Variants in RRH observed in about 807,000 individuals in gnomAD.
RRH encodes visual pigment-like receptor peropsin.
Under a neutral mutation model 33.1 loss-of-function variants are expected in RRH, and 36 were observed. The ratio of observed to expected loss-of-function variants is 1.09; its 90% CI spans 0.83 to 1.44. The LOEUF (loss-of-function observed/expected upper bound fraction) is 1.44. Among genes scored for constraint, RRH ranks in the 40% most tolerant of loss-of-function variants. The pLI is 0.00. For synonymous variants in RRH, 124 were observed against 140.2 expected (o/e 0.88, Z 0.82); for missense variants, 393 against 420.2 (o/e 0.94, Z 0.57).
Position 109,833,127 on chromosome 4 carries a change from GT to G in RRH, c.107-11del. ...TAAACAAAATGCATCATATTTTTGT[GT>G]GTGTTCTCAGGTATGATAAGTATTA... On this transcript the variant is annotated splice_polypyrimidine_tract_variant and intron_variant, in intron 1 of 6. Transcript: ENST00000317735. 6.2e-7 allele frequency: 1 copy of G among 1,604,652 alleles called. No homozygotes were observed. The highest frequency in any genetic ancestry group is 8.5e-7 in the Non-Finnish European group (1 of 1,171,470).
intron 2 of RRH, among the ~76,000 whole-genome samples, chr4:109,834,445 T>C (rs1733834934): frequency 6.7e-6 from 1 of 149,620 alleles, no homozygotes; most frequent in Non-Finnish European, 1.5e-5. Context: ...TTCTCCTGCC[T>C]CAGCCTCCCG....
rs757323046 is a variant in RRH at position 109,833,256 on chromosome 4, G to A, written c.224G>A (p.Ser75Asn). ...CTGGCTGTTACTGATATAGGGGTCA[G>A]TAGCATTGGCTATCCCATGTCTGCT... ...INLAVTDIGVSSIGYPMSAAS... is the reference protein window; with the variant it reads ...INLAVTDIGVNSIGYPMSAAS... Residue 75 changes from serine to asparagine, a missense_variant, in exon 2 of 7, where the codon AGT becomes AAT. Physicochemically the swap from Ser to Asn is conservative, Grantham distance 46. Coordinates refer to ENST00000317735, the MANE Select transcript of RRH (RefSeq NM_006583.5). 3.1e-6 allele frequency: 5 copies of A among 1,614,110 alleles called. No individual in the cohort carries two copies. The highest frequency in any genetic ancestry group is 2.2e-5 in the South Asian group (2 of 91,082).
chr4:109,843,951 T>C, intron 6 of RRH, 132 bp from the exon 7 acceptor site: 1 of 676,620 alleles, frequency 1.5e-6, no homozygotes, highest in Non-Finnish European at 2.7e-6. Flanking sequence ...CAACAGGACA[T>C]GTTAAAGTTG....
chr4:109,844,752 G>A lies in RRH; in HGVS notation c.*555G>A, dbSNP rs1734049870. 1 of 152,470 alleles carries A rather than the reference G, an allele frequency of 6.6e-6. No homozygotes were observed. Among genetic ancestry groups the A allele is most frequent in the African/African-American group, 2.4e-5 (1 of 41,414 alleles). 9.4% of individuals were successfully genotyped at this position (152,470 alleles called of 1,614,324 possible). ...TATTATATAGCATTATGACCCCTGT[G>A]CATATTTTGATGTTTTCTGCAATTT... is the stretch of plus-strand genomic sequence containing the variant. On this transcript the variant is annotated 3_prime_UTR_variant, in exon 7 of 7. Transcript: ENST00000317735.
chr4:109,835,894 A>G, intron 3 of RRH, 113 bp from the exon 4 acceptor site: 1 of 1,347,602 alleles, frequency 7.4e-7, no homozygotes, highest in Non-Finnish European at 1.1e-6. Flanking sequence ...TCCTAAGGCC[A>G]ATCAAAGTGC....
intron 1 of RRH, among the ~76,000 whole-genome samples, chr4:109,830,438 C>T (rs1206133971): frequency 1.3e-5 from 2 of 151,806 alleles, no homozygotes; most frequent in Non-Finnish European, 2.9e-5. Flanking sequence ...GCAGTGGGGA[C>T]AGAAAAAAGT....
chr4:109,828,047 G>A lies in RRH; in HGVS notation c.20G>A (p.Gly7Asp), dbSNP rs773529622. ...TCCAAAATGCTAAGAAATAATTTAG[G>A]CAACAGTTCAGACTCTAAAAATGAA... MLRNNL[G>D]NSSDSKNEDG... is the part of the protein sequence containing the mutation. Residue 7 changes from glycine to aspartate, a missense_variant, in exon 1 of 7, where the codon GGC becomes GAC. Transcript: ENST00000317735. 3 of 1,610,616 alleles carry A rather than the reference G, an allele frequency of 1.9e-6. No homozygotes were observed. Among genetic ancestry groups the A allele is most frequent in the Admixed American group, 3.3e-5 (2 of 59,980 alleles).
chr4:109,844,408 T>C lies in RRH; in HGVS notation c.*211T>C. 1 of 461,096 alleles carries C rather than the reference T, an allele frequency of 2.2e-6. No homozygotes were observed. Among genetic ancestry groups the C allele is most frequent in the Non-Finnish European group, 4.0e-6 (1 of 250,198 alleles). 28.6% of individuals were successfully genotyped at this position (461,096 alleles called of 1,614,324 possible). On this transcript the variant is annotated 3_prime_UTR_variant, in exon 7 of 7. Transcript: ENST00000317735. Reference sequence around the variant, plus strand: ...CTGATATATCAACTTATTGCTCATCTCCTTTGATGAATTAGGCATCAGAGG... The same window carrying C: ...CTGATATATCAACTTATTGCTCATCCCCTTTGATGAATTAGGCATCAGAGG...
chr4:109,832,883 G>A (rs766656727), intron 1 of RRH, among the ~76,000 whole-genome samples: 1 of 152,104 alleles, frequency 6.6e-6, no homozygotes, highest in Non-Finnish European at 1.5e-5. Flanking sequence ...ACACTCAATA[G>A]CAATGACATT....
At position 109,842,475 on chromosome 4, in the gene RRH, G is replaced by A. The variant is rs754758965; in HGVS notation, c.727G>A (p.Val243Met). The change falls in exon 6 of 7, where the codon GTG (valine) becomes ATG (methionine). Residue 243 changes from valine to methionine, a missense_variant. Physicochemically the swap from Val to Met is conservative, Grantham distance 21 (BLOSUM62 1). Coordinates refer to ENST00000317735, the MANE Select transcript of RRH (RefSeq NM_006583.5). ...AATATTTATTTCTTTTCAGATGTCT[G>A]TGATCATGATCTGCATGTTTCTGGT... ...SDQIDVTKMS[V>M]IMICMFLVAW... The A allele has an allele frequency of 1.9e-6, 3 of 1,613,836 alleles. No homozygotes were observed.
At chr4:109,841,796 T>A (rs6533468) in intron 5 of RRH, among the ~76,000 whole-genome samples, 1 of 152,052 alleles carries the variant, frequency 6.6e-6, no homozygotes, top group Non-Finnish European at 1.5e-5. Context: ...GTCCTTATGG[T>A]TTTATGTCTT....
Position 109,833,167 on chromosome 4 carries a change from A to G in RRH, c.135A>G (p.Ile45Met). Residue 45 changes from isoleucine to methionine, a missense_variant, in exon 2 of 7, where the codon ATA (isoleucine) becomes ATG (methionine). By Grantham distance (10) the Ile-to-Met change is conservative. Transcript: ENST00000317735. Reference sequence around the variant, plus strand: ...TGATAAGTATTATCAGCAACATAATAGTTCTGGGCATCTTCATTAAGTACA... The same window carrying G: ...TGATAAGTATTATCAGCAACATAATGGTTCTGGGCATCTTCATTAAGTACA... The part of the protein sequence containing the change: ...AGMISIISNI[I>M]VLGIFIKYKE... The G allele has an allele frequency of 6.2e-7, 1 of 1,613,738 alleles. No homozygotes were observed. Among genetic ancestry groups the G allele is most frequent in the Admixed American group, 1.7e-5 (1 of 60,030 alleles).
Position 109,844,432 on chromosome 4 carries a change from G to A in RRH, c.*235G>A. 7.1e-6 allele frequency: 3 copies of A among 420,412 alleles called. No individual in the cohort carries two copies. The highest frequency in any genetic ancestry group is 6.4e-5 in the South Asian group (3 of 46,752). The allele number at this position is 420,412 out of a possible 1,614,324, so 26.0% of individuals were successfully genotyped here. A position where few individuals can be genotyped will look rare whatever the true frequency, so the allele number is the denominator to read the frequency against. ...CTCCTTTGATGAATTAGGCATCAGAGGTTAAGGTCCCCTTTCTTTCTCCCT... is the reference window on the plus strand; with the variant it reads ...CTCCTTTGATGAATTAGGCATCAGAAGTTAAGGTCCCCTTTCTTTCTCCCT... On this transcript the variant is annotated 3_prime_UTR_variant, in exon 7 of 7. Coordinates refer to ENST00000317735, the MANE Select transcript of RRH (RefSeq NM_006583.5).
rs114743850 is a variant in RRH at position 109,844,648 on chromosome 4, T to C, written c.*451T>C. Reference sequence around the variant, plus strand: ...TTCAACATTTTAACATTTAAATCAATTAACTTATGTTATTAAACAAAAATA... The same window carrying C: ...TTCAACATTTTAACATTTAAATCAACTAACTTATGTTATTAAACAAAAATA... On this transcript the variant is annotated 3_prime_UTR_variant, in exon 7 of 7. Coordinates refer to ENST00000317735, the MANE Select transcript of RRH (RefSeq NM_006583.5). 2.4e-3 allele frequency: 381 copies of C among 157,392 alleles called. 3 individuals are homozygous for C. Among genetic ancestry groups the C allele is most frequent in the Non-Finnish European group, 4.2e-3 (301 of 71,050 alleles). 9.7% of individuals were successfully genotyped at this position (157,392 alleles called of 1,614,324 possible).
At position 109,828,114 on chromosome 4, in the gene RRH, AACTT is replaced by A. The variant is rs1365990948; in HGVS notation, c.92_95del (p.Tyr31Ter). ...CACAGACTGAACACAATATTGTTGC[AACTT>A]ACTTGATTATGGCAGGTATGGATAT... On this transcript the variant is annotated frameshift_variant, in exon 1 of 7. Transcript: ENST00000317735. LOFTEE classifies it high-confidence loss of function. The A allele has an allele frequency of 6.8e-6, 11 of 1,610,338 alleles. 1 individual carries two copies. The Admixed American group carries it at 8.3e-5, about 12-fold the overall frequency.
intron 5 of RRH, among the ~76,000 whole-genome samples, chr4:109,840,741 GTT>G (rs78870910): frequency 7.4e-6 from 1 of 134,382 alleles, no homozygotes; most frequent in African/African-American, 2.7e-5. Flanking sequence ...TTCTTGCACT[GTT>G]TTTTTTTTTT....
chr4:109,833,069 T>A, intron 1 of RRH, 70 bp from the exon 2 acceptor site: 1 of 1,273,174 alleles, frequency 7.9e-7, no homozygotes, highest in South Asian at 1.2e-5. Flanking sequence ...GGCTTAAATA[T>A]TTAATTTTGA....
chr4:109,833,905 A>C (rs1023881841), intron 2 of RRH, among the ~76,000 whole-genome samples: 5 of 152,238 alleles, frequency 3.3e-5, no homozygotes, highest in Non-Finnish European at 5.9e-5. Context: ...GTAGTAGTGA[A>C]TACTGAATAA....
At chr4:109,837,389 A>T in intron 4 of RRH, 48 bp from the exon 5 acceptor site, 1 of 1,491,598 alleles carries the variant, frequency 6.7e-7, no homozygotes, top group Non-Finnish European at 9.3e-7. Flanking sequence ...TCCTTCCCCC[A>T]CTTAGGACAT....
Sources: gnomAD v4.1 joint callset for allele counts (sites outside exome capture counted in the v4.1 genomes callset) on GRCh38, gnomAD v4.1.1 for gene constraint, MANE v1.5 for transcripts, NCBI Gene and HGNC (gene_info 2026-07-23, HGNC 2026-07-21) for gene names.